The following TASOR2 variants were observed in gnomAD, a reference collection of about 807,000 sequenced individuals.
TASOR2 encodes protein TASOR 2.
A neutral mutation model predicts 199.5 loss-of-function variants in TASOR2; 84 were observed. The ratio of observed to expected loss-of-function variants is 0.42; its 90% CI spans 0.35 to 0.50. The LOEUF (loss-of-function observed/expected upper bound fraction) is 0.50, where lower values mean the gene tolerates loss of function less well. TASOR2 is among the 20% of genes least tolerant of loss of function. The probability of loss-of-function intolerance (pLI) is 0.02; values close to 1 mark genes in which losing one functional copy is unlikely to be tolerated. For synonymous variants in TASOR2, 1,103 were observed against 1,046.6 expected, an observed-to-expected ratio of 1.05 and a Z score of -1.04; for missense variants, 2,796 against 2,835.9, an observed-to-expected ratio of 0.99 and a Z score of 0.32.
In TASOR2 at chr10:5,748,795, G is replaced by A. The variant is rs1357493312; in HGVS notation, c.5374G>A (p.Val1792Ile). 3.1e-6 allele frequency: 5 copies of A among 1,614,024 alleles called. No individual in the cohort carries two copies. The highest frequency in any genetic ancestry group is 1.6e-4 in the Middle Eastern group (1 of 6,084). ...TGTTTGTGGAATAGCCACAGAGCAC[G>A]TAGAAATTGAGAACAGTGGGGAGGG... Residue 1792 changes from valine (V) to isoleucine (I), a missense_variant, in exon 15 of 21, where the codon GTA becomes ATA. This residue lies in a region of TASOR2 where 1,941 missense variants were observed against 1,924.9 expected (regional missense o/e 1.01). Transcript: ENST00000328090. The surrounding 1 kb of genome is among the most constrained non-coding windows in gnomAD (Gnocchi z 5.1).
At position 5,761,292 on chromosome 10, in the gene TASOR2, T is replaced by G. The variant is rs370761423; in HGVS notation, c.6995T>G (p.Val2332Gly). 3 of 1,608,852 alleles carry G rather than the reference T, an allele frequency of 1.9e-6. No individual in the cohort carries two copies. The African/African-American group carries it at 4.0e-5, about 22-fold the overall frequency. ...ATATGCCTATGTATCTTTCACAGAG[T>G]GGATTCAACTGCACATAAGAAGAAC... The change falls in exon 19 of 21, where the codon GTG becomes GGG. Residue 2332 changes from valine to glycine, a missense_variant and splice_region_variant. This residue lies in a region of TASOR2 where 1,941 missense variants were observed against 1,924.9 expected (regional missense o/e 1.01). Transcript: ENST00000328090.
intron 1 of TASOR2, among the ~76,000 whole-genome samples, chr10:5,695,116 C>A (rs1349081570): frequency 6.6e-6 from 1 of 151,936 alleles, no homozygotes; most frequent in Admixed American, 6.6e-5. Flanking sequence ...TTCTGAGTTT[C>A]GGAACAGATT....
chr10:5,757,988 G>T (rs1342455554), intron 17 of TASOR2, among the ~76,000 whole-genome samples: 1 of 152,048 alleles, frequency 6.6e-6, no homozygotes, highest in Non-Finnish European at 1.5e-5. Context: ...TGCCAAGTCA[G>T]AGCAGCTCCA....
rs1280080224 is a variant in TASOR2 at position 5,722,813 on chromosome 10, GC to G, written c.147-862del. Among the ~76,000 whole-genome samples the G allele has an allele frequency of 1.3e-5, 2 of 151,954 alleles. No individual in the cohort carries two copies. The highest frequency in any genetic ancestry group is 2.9e-5 in the Non-Finnish European group (2 of 68,006). On this transcript the variant is annotated intron_variant, in intron 6 of 20. Coordinates refer to ENST00000328090, the Ensembl canonical transcript of TASOR2. The surrounding 1 kb of genome is among the most constrained non-coding windows in gnomAD (Gnocchi z 4.0). ...GCCTGAGGTCAGGAGTTGGAAACCA[GC>G]CTGGCCAATACGGTGAAACGCTGTC... is the stretch of plus-strand genomic sequence containing the variant.
chr10:5,723,423 C>G (rs1036813086), intron 6 of TASOR2, among the ~76,000 whole-genome samples: 1 of 151,950 alleles, frequency 6.6e-6, no homozygotes, highest in Admixed American at 6.6e-5. Context: ...TTTGACACAT[C>G]TAGATACTTT....
At chr10:5,714,471 G>A (rs2131554419) in intron 2 of TASOR2, 1 of 283,726 alleles carries the variant, frequency 3.5e-6, no homozygotes, top group Non-Finnish European at 6.4e-6. Context: ...AGAAAATAGA[G>A]CTGACCGAAC....
intron 1 of TASOR2, among the ~76,000 whole-genome samples, chr10:5,692,544 T>G (rs1010070277): frequency 1.3e-5 from 2 of 152,052 alleles, no homozygotes; most frequent in Non-Finnish European, 2.9e-5. Context: ...GTCTGCAGGG[T>G]CCTGGGGTCC....
At chr10:5,693,585 G>A (rs534837240) in intron 1 of TASOR2, among the ~76,000 whole-genome samples, 17 of 152,268 alleles carry the variant, frequency 1.1e-4, no homozygotes, top group Non-Finnish European at 2.4e-4. Context: ...AAAAAAACCT[G>A]TAACTTCAGG....
exon 15 of TASOR2, chr10:5,746,897 T>C: frequency 6.2e-7 from 1 of 1,614,222 alleles, no homozygotes; most frequent in Non-Finnish European, 8.5e-7. Context: ...ACAATGGTCA[T>C]GGAGGCACTA....
rs1287735767 is a variant in TASOR2 at position 5,751,914 on chromosome 10, T to C, written c.6606+1887T>C. On this transcript the variant is annotated intron_variant, in intron 15 of 20. Transcript: ENST00000328090. This position sits in a 1 kb window ranked among gnomAD's most constrained non-coding sequence, Gnocchi z 5.3. ...ACTGCCAGGTTTGTGCTAGCCTCCT[T>C]CTCCATGTGTGGAGCTCCCTTCTCT... 6.6e-6 allele frequency among the ~76,000 whole-genome samples: 1 copy of C among 152,172 alleles called. No individual in the cohort carries two copies. The highest frequency in any genetic ancestry group is 1.5e-5 in the Non-Finnish European group (1 of 68,020).
intron 1 of TASOR2, among the ~76,000 whole-genome samples, chr10:5,691,106 G>T (rs573354045): frequency 6.6e-6 from 1 of 150,876 alleles, no homozygotes; most frequent in African/African-American, 2.4e-5. Context: ...TGGGGGAATC[G>T]CTTGAACCTG....
chr10:5,755,102 C>G (rs528607873), intron 15 of TASOR2, among the ~76,000 whole-genome samples: 1 of 149,120 alleles, frequency 6.7e-6, no homozygotes, highest in South Asian at 2.1e-4. Context: ...ATAGGTCAGA[C>G]CACCACAGGA....
chr10:5,740,241 C>G lies in TASOR2; in HGVS notation c.2071C>G (p.Pro691Ala). The G allele has an allele frequency of 6.2e-7, 1 of 1,614,184 alleles. No homozygotes were observed. Among genetic ancestry groups the G allele is most frequent in the Admixed American group, 1.7e-5 (1 of 60,028 alleles). ...GACAAAAAGCCCTGAAGCAGCAACCCCAGTGGGGAAAGTCATGCCATTTCG... is the reference window on the plus strand; with the variant it reads ...GACAAAAAGCCCTGAAGCAGCAACCGCAGTGGGGAAAGTCATGCCATTTCG... The change falls in exon 13 of 21, where the codon CCA (proline) becomes GCA (alanine). Residue 691 changes from proline (P) to alanine (A), a missense_variant. By Grantham distance (27) the Pro-to-Ala change is conservative. Coordinates refer to ENST00000328090, the Ensembl canonical transcript of TASOR2. This position sits in a 1 kb window ranked among gnomAD's most constrained non-coding sequence, Gnocchi z 5.3.
chr10:5,720,368 A>G lies in TASOR2; in HGVS notation c.-99-176A>G, dbSNP rs1833199162. 5 of 985,246 alleles carry G rather than the reference A, an allele frequency of 5.1e-6. No homozygotes were observed. Among genetic ancestry groups the G allele is most frequent in the South Asian group, 4.7e-5 (1 of 21,288 alleles). The allele number at this position is 985,246 out of a possible 1,614,324, so 61.0% of individuals were successfully genotyped here. ...TACTAACAAGGTTTCTAACAAGACG[A>G]GTCATTTTCGTGCCTTTGAACTGAG... On this transcript the variant is annotated intron_variant, in intron 3 of 20. Coordinates refer to ENST00000328090, the Ensembl canonical transcript of TASOR2. This position sits in a 1 kb window ranked among gnomAD's most constrained non-coding sequence, Gnocchi z 5.3.
chr10:5,691,820 A>G (rs1836456139), intron 1 of TASOR2, among the ~76,000 whole-genome samples: 1 of 152,104 alleles, frequency 6.6e-6, no homozygotes. Flanking sequence ...GCTTATTGGG[A>G]AGGGACCTCA....
At chr10:5,702,592 G>T (rs998000752) in intron 1 of TASOR2, among the ~76,000 whole-genome samples, 1 of 149,684 alleles carries the variant, frequency 6.7e-6, no homozygotes, top group South Asian at 2.1e-4. Flanking sequence ...TTCTTTAATG[G>T]AAGAGTTTTT....
At position 5,690,519 on chromosome 10, in the gene TASOR2, C is replaced by T. The variant is rs1172923733; in HGVS notation, c.-288+5344C>T. 6.6e-6 allele frequency among the ~76,000 whole-genome samples: 1 copy of T among 152,174 alleles called. No homozygotes were observed. Among genetic ancestry groups the T allele is most frequent in the African/African-American group, 2.4e-5 (1 of 41,424 alleles). ...ATCCCCTATTTATCTGTGCCCAGGA[C>T]ATTTTGCGTGGGCTACGTGTAGAGG... On this transcript the variant is annotated intron_variant, in intron 1 of 20. Transcript: ENST00000328090. The surrounding 1 kb of genome is among the most constrained non-coding windows in gnomAD (Gnocchi z 4.8).
rs745996717 is a variant in TASOR2, at chr10:5,748,882, G to A, written c.5461G>A (p.Asp1821Asn). The change falls in exon 15 of 21, where the codon GAC (aspartate) becomes AAC (asparagine). Residue 1821 changes from aspartate to asparagine, a missense_variant. Asp to Asn is a conservative substitution (Grantham distance 23). Around this residue, in one of 3 missense-constraint regions of TASOR2, gnomAD observed 1,941 missense variants for 1,924.9 expected, o/e 1.01. Coordinates refer to ENST00000328090, the Ensembl canonical transcript of TASOR2. This position sits in a 1 kb window ranked among gnomAD's most constrained non-coding sequence, Gnocchi z 5.1. ...AGATGGAGAGGTCGGTGTGAATTCC[G>A]ACATGCACTATGAACTCTCTGGAGA... The A allele has an allele frequency of 1.4e-5, 23 of 1,614,160 alleles. No homozygotes were observed. The highest frequency in any genetic ancestry group is 8.0e-5 in the African/African-American group (6 of 75,056).
intron 3 of TASOR2, among the ~76,000 whole-genome samples, chr10:5,718,392 T>TTAA (rs1832907589): frequency 7.3e-6 from 1 of 137,520 alleles, no homozygotes; most frequent in African/African-American, 2.7e-5. Context: ...GACCTTTAAT[T>TTAA]AAAAAAAAAA....
Sources: gnomAD v4.1 joint callset for allele counts (sites outside exome capture counted in the v4.1 genomes callset) on GRCh38, gnomAD v4.1.1 for gene constraint, gnomAD v4.1.1 regional missense constraint, Gnocchi (gnomAD v3.1) non-coding constraint, MANE v1.5 for transcripts, NCBI Gene and HGNC (gene_info 2026-07-23, HGNC 2026-07-21) for gene names.